USP9X: variants seen among roughly 807,000 people sequenced by gnomAD.
The protein encoded by USP9X is ubiquitin carboxyl-terminal hydrolase 9X.
USP9X carries 7 observed loss-of-function variants against 190.3 expected under a neutral mutation model. The ratio of observed to expected loss-of-function variants is 0.04; its 90% CI spans 0.02 to 0.07. USP9X has a LOEUF of 0.07. USP9X is among the 10% of genes least tolerant of loss of function. The probability of loss-of-function intolerance (pLI) is 1.00; values close to 1 mark genes in which losing one functional copy is unlikely to be tolerated. For synonymous variants in USP9X, 645 were observed against 659.5 expected (o/e 0.98, Z 0.34); for missense variants, 1,010 against 1,916.9 (o/e 0.53, Z 8.83).
rs1288756424 is a variant in USP9X, at chrX:41,086,026, C to T, written c.-242C>T. On this transcript the variant is annotated 5_prime_UTR_variant, in exon 1 of 45. Transcript: ENST00000378308. ...GGCCTGGGATGCACCCAGGGTAGGT[C>T]TCGTCCCGGGACCGAGCCCCACCGT... 1.3e-5 allele frequency: 4 copies of T among 296,322 alleles called. No individual in the cohort carries two copies. Among genetic ancestry groups the T allele is most frequent in the Non-Finnish European group, 1.8e-5 (3 of 170,021 alleles). 24.4% of individuals were successfully genotyped at this position (296,322 alleles called of 1,213,427 possible).
chrX:41,142,174 T>A (rs2062428450), intron 9 of USP9X, among the ~76,000 whole-genome samples: 2 of 111,331 alleles, frequency 1.8e-5, no homozygotes, highest in African/African-American at 6.6e-5. Context: ...ACATCTGGTT[T>A]CATACATATG....
chrX:41,166,804 G>A (rs1012047621), intron 16 of USP9X, among the ~76,000 whole-genome samples: 5 of 112,173 alleles, frequency 4.5e-5, no homozygotes, highest in African/African-American at 1.6e-4. Flanking sequence ...AGATAAAGAT[G>A]TTTATTGTGG....
At chrX:41,162,462 C>T (rs1310279296) in intron 14 of USP9X, among the ~76,000 whole-genome samples, 2 of 111,949 alleles carry the variant, frequency 1.8e-5, no homozygotes, top group Non-Finnish European at 3.8e-5. Flanking sequence ...ATTTTGTCTT[C>T]CTTATCAGTT....
At chrX:41,231,081 AAAG>A (rs769957547) in intron 44 of USP9X, among the ~76,000 whole-genome samples, 1 of 112,087 alleles carries the variant, frequency 8.9e-6, no homozygotes, top group South Asian at 3.7e-4. Flanking sequence ...GTAAATAGCA[AAAG>A]AAATGAGATG....
chrX:41,188,417 A>G (rs1432212404), intron 25 of USP9X, among the ~76,000 whole-genome samples: 1 of 111,956 alleles, frequency 8.9e-6, no homozygotes, highest in Non-Finnish European at 1.9e-5. Flanking sequence ...TTCTTTTATC[A>G]TCTTTCTGTC....
intron 21 of USP9X, among the ~76,000 whole-genome samples, chrX:41,178,898 A>G (rs775858621): frequency 8.9e-6 from 1 of 112,023 alleles, no homozygotes; most frequent in South Asian, 3.7e-4. Context: ...TATGATGAAT[A>G]ATAGGGGTTT....
chrX:41,112,397 T>G (rs1207002511), intron 1 of USP9X, among the ~76,000 whole-genome samples: 2 of 112,137 alleles, frequency 1.8e-5, no homozygotes, highest in Non-Finnish European at 3.8e-5. Context: ...TTTTAGAGTC[T>G]TAACGGAAAT....
intron 26 of USP9X, among the ~76,000 whole-genome samples, chrX:41,193,131 A>G (rs2062952142): frequency 9.0e-6 from 1 of 111,217 alleles, no homozygotes; most frequent in South Asian, 3.8e-4. Context: ...TGGATGGAAC[A>G]GAGGCGGTAG....
chrX:41,129,323 C>T (rs1439342014), intron 3 of USP9X, among the ~76,000 whole-genome samples, 178 bp downstream of exon 3: 1 of 112,238 alleles, frequency 8.9e-6, no homozygotes, highest in Non-Finnish European at 1.9e-5. Context: ...ATGATGATGA[C>T]CCTAGTTGGG....
intron 14 of USP9X, among the ~76,000 whole-genome samples, chrX:41,159,526 T>G: frequency 1.1e-5 from 1 of 93,949 alleles, no homozygotes; most frequent in Non-Finnish European, 2.3e-5. Flanking sequence ...TGCATGATTC[T>G]TTTTTTTTTT....
At chrX:41,228,630 T>G (rs1355498469) in intron 41 of USP9X, among the ~76,000 whole-genome samples, 2 of 111,881 alleles carry the variant, frequency 1.8e-5, no homozygotes, top group Non-Finnish European at 3.8e-5. Flanking sequence ...TAGTTATAAC[T>G]TTTTTAAAGT....
chrX:41,174,492 T>C (rs191964293), intron 21 of USP9X, among the ~76,000 whole-genome samples: 1 of 112,237 alleles, frequency 8.9e-6, no homozygotes, highest in East Asian at 2.8e-4. Flanking sequence ...CAGTTAATTA[T>C]AGAATGTCCT....
intron 23 of USP9X, 130 bp from the exon 24 acceptor site, chrX:41,186,387 G>A: frequency 4.0e-6 from 3 of 743,382 alleles, no homozygotes; most frequent in Non-Finnish European, 5.9e-6. Context: ...TGTGTAAGTT[G>A]CCACAGGTTC....
chrX:41,211,855 G>C (rs1452145519), intron 33 of USP9X, among the ~76,000 whole-genome samples: 1 of 98,626 alleles, frequency 1.0e-5, no homozygotes, highest in Admixed American at 1.1e-4. Flanking sequence ...TCAGCCCCCC[G>C]CCCGGCCAGC....
At chrX:41,086,489 C>T (rs1191496140) in intron 1 of USP9X, among the ~76,000 whole-genome samples, 1 of 112,329 alleles carries the variant, frequency 8.9e-6, no homozygotes, top group Non-Finnish European at 1.9e-5. Context: ...TGGGGGCTGG[C>T]CGCCCCCCGC....
intron 38 of USP9X, 50 bp downstream of exon 38, chrX:41,219,281 T>G: frequency 8.9e-7 from 1 of 1,129,781 alleles, no homozygotes; most frequent in Non-Finnish European, 1.2e-6. Context: ...CATATTAAAT[T>G]GTGAAGTCAT....
At chrX:41,087,311 T>G (rs917889660) in intron 1 of USP9X, among the ~76,000 whole-genome samples, 1 of 112,040 alleles carries the variant, frequency 8.9e-6, no homozygotes, top group Non-Finnish European at 1.9e-5. Context: ...GTGCATTGAT[T>G]AGGAAACTTT....
chrX:41,197,887 C>T (rs887597749), intron 29 of USP9X, among the ~76,000 whole-genome samples: 4 of 110,286 alleles, frequency 3.6e-5, no homozygotes, highest in Admixed American at 1.9e-4. Context: ...GTGGCGCACA[C>T]CCATGGTCCC....
intron 31 of USP9X, among the ~76,000 whole-genome samples, chrX:41,201,571 G>A (rs1184625833): frequency 9.0e-6 from 1 of 111,480 alleles, no homozygotes. Context: ...AGTAGGGATG[G>A]ACTTCTCCCA....
Sources: gnomAD v4.1 joint callset for allele counts (sites outside exome capture counted in the v4.1 genomes callset) on GRCh38, gnomAD v4.1.1 for gene constraint, MANE v1.5 for transcripts, NCBI Gene and HGNC (gene_info 2026-07-23, HGNC 2026-07-21) for gene names.